NDP: variants seen among roughly 807,000 people sequenced by gnomAD.
The protein encoded by NDP is norrin cystine knot growth factor NDP.
Under a neutral mutation model 8.4 loss-of-function variants are expected in NDP, and 2 were observed. The observed-to-expected ratio is 0.24, with a 90% CI of 0.10 to 0.75. The LOEUF (loss-of-function observed/expected upper bound fraction) is 0.75, where lower values mean the gene tolerates loss of function less well. Ranked by LOEUF, NDP falls within the 30% of genes least tolerant of loss-of-function variation. The pLI is 0.73. For missense variants in NDP, 81 were observed against 110.1 expected, an observed-to-expected ratio of 0.74 and a Z score of 1.18; for synonymous variants, 55 against 45.6, an observed-to-expected ratio of 1.21 and a Z score of -0.83.
intron 1 of NDP, among the ~76,000 whole-genome samples, chrX:43,964,752 TC>T (rs1404461935): frequency 8.9e-6 from 1 of 111,919 alleles, no homozygotes; most frequent in Non-Finnish European, 1.9e-5. Flanking sequence ...CTTGAACAAG[TC>T]ACTTGCCTTT....
At chrX:43,967,699 C>T (rs2035866193) in intron 1 of NDP, among the ~76,000 whole-genome samples, 1 of 111,177 alleles carries the variant, frequency 9.0e-6, no homozygotes, top group South Asian at 3.8e-4. Context: ...ATTTTTATTC[C>T]CTACTGATGA....
At chrX:43,972,285 A>C (rs1307255082) in intron 1 of NDP, among the ~76,000 whole-genome samples, 1 of 111,161 alleles carries the variant, frequency 9.0e-6, no homozygotes. Flanking sequence ...ATGGAGGCTT[A>C]TCTGGGTTTG....
rs757511870 is a variant in NDP, at chrX:43,964,817, T to C, written c.-207-5965A>G. ...ATGAACAGATTGGTCTAAATGCTTT[T>C]ATGTGTCTATCCATTTCTAACAGTC... On this transcript the variant is annotated intron_variant, in intron 1 of 2. Coordinates refer to ENST00000642620, the MANE Select transcript of NDP (RefSeq NM_000266.4). Among the ~76,000 whole-genome samples, 8 of 112,079 alleles carry C rather than the reference T, an allele frequency of 7.1e-5. No individual in the cohort carries two copies. The South Asian group carries it at 2.3e-3, about 32-fold the overall frequency.
intron 2 of NDP, among the ~76,000 whole-genome samples, chrX:43,955,439 C>G (rs180747219): frequency 8.9e-6 from 1 of 111,985 alleles, no homozygotes; most frequent in Admixed American, 9.4e-5. Flanking sequence ...GTCACTCATT[C>G]GGCAAGCCAT....
chrX:43,950,188 C>T (rs2035752994), intron 2 of NDP, 162 bp from the exon 3 acceptor site: 1 of 478,526 alleles, frequency 2.1e-6, no homozygotes, highest in Non-Finnish European at 3.7e-6. Flanking sequence ...ACCCAGGCCT[C>T]ATTCAGATCG....
rs1033615559 is a variant in NDP at position 43,955,993 on chromosome X, GA to G, written c.174+2478del. Among the ~76,000 whole-genome samples, 10 of 112,263 alleles carry G rather than the reference GA, an allele frequency of 8.9e-5. No homozygotes were observed. The Admixed American group carries it at 9.5e-4, about 11-fold the overall frequency. On this transcript the variant is annotated intron_variant, in intron 2 of 2. Transcript: ENST00000642620. Reference sequence around the variant, plus strand: ...CATTCTACTTGTGTTCCTCCAATATGAAGATCCAAGTAGTGGGAAGATGAAT... The same window carrying G: ...CATTCTACTTGTGTTCCTCCAATATGAGATCCAAGTAGTGGGAAGATGAAT...
At chrX:43,955,774 G>A (rs751943700) in intron 2 of NDP, among the ~76,000 whole-genome samples, 4 of 112,183 alleles carry the variant, frequency 3.6e-5, no homozygotes, top group Non-Finnish European at 5.6e-5. Flanking sequence ...AGTCCTTTCC[G>A]GAATTGCTAG....
At chrX:43,960,791 C>G (rs1311584563) in intron 1 of NDP, 2 of 112,212 alleles carry the variant, frequency 1.8e-5, no homozygotes, top group Non-Finnish European at 3.8e-5. Flanking sequence ...ACAGATATTT[C>G]CCCCAGGAGT....
chrX:43,963,356 AC>A (rs2035837856), intron 1 of NDP, among the ~76,000 whole-genome samples: 2 of 111,097 alleles, frequency 1.8e-5, no homozygotes, highest in Middle Eastern at 4.7e-3. Flanking sequence ...GTTTTTAGAC[AC>A]ATTGATAAAC....
chrX:43,962,269 AT>A (rs776438846), intron 1 of NDP, among the ~76,000 whole-genome samples: 959 of 95,467 alleles, frequency 0.01, 8 homozygotes, highest in African/African-American at 0.023. Flanking sequence ...ATAACCTGGG[AT>A]TTTTTTTTTT....
At chrX:43,963,616 A>G (rs547452069) in intron 1 of NDP, among the ~76,000 whole-genome samples, 3 of 112,316 alleles carry the variant, frequency 2.7e-5, no homozygotes, top group Admixed American at 1.9e-4. Flanking sequence ...CTTGCTAGAT[A>G]ACCCTAGATA....
chrX:43,967,036 G>T (rs1386499871), intron 1 of NDP, among the ~76,000 whole-genome samples: 1 of 111,441 alleles, frequency 9.0e-6, no homozygotes, highest in African/African-American at 3.3e-5. Flanking sequence ...TGTCAAAGGG[G>T]CAAGGTTCTC....
chrX:43,955,512 G>A (rs1031720046), intron 2 of NDP, among the ~76,000 whole-genome samples: 21 of 112,684 alleles, frequency 1.9e-4, no homozygotes, highest in Non-Finnish European at 2.1e-4. Context: ...AGTTCTCATA[G>A]AGATTCCACC....
chrX:43,963,833 C>A (rs923400831), intron 1 of NDP, among the ~76,000 whole-genome samples: 1 of 112,448 alleles, frequency 8.9e-6, no homozygotes, highest in Non-Finnish European at 1.9e-5. Context: ...TATAAAGCAT[C>A]CTGTGCGTTC....
intron 2 of NDP, 184 bp from the exon 3 acceptor site, chrX:43,950,210 A>G (rs979861214): frequency 5.9e-5 from 27 of 457,439 alleles, no homozygotes; most frequent in Middle Eastern, 5.8e-4. Flanking sequence ...TTGAATTAAA[A>G]TCCTTGGAGA....
At chrX:43,972,288 T>G (rs1261801321) in intron 1 of NDP, among the ~76,000 whole-genome samples, 1 of 111,380 alleles carries the variant, frequency 9.0e-6, no homozygotes, top group Non-Finnish European at 1.9e-5. Context: ...GAGGCTTATC[T>G]GGGTTTGTCT....
Position 43,949,756 on chromosome X carries a change from C to A in NDP, c.*43G>T. On this transcript the variant is annotated 3_prime_UTR_variant, in exon 3 of 3. Transcript: ENST00000642620. ...GTCTTTCCCTGGCTGGTCGAACTGC[C>A]TCTACAGTTGTCCCATCCAGAAGCC... is the stretch of plus-strand genomic sequence containing the variant. 1 of 1,127,956 alleles carries A rather than the reference C, an allele frequency of 8.9e-7. No individual in the cohort carries two copies. Among genetic ancestry groups the A allele is most frequent in the Non-Finnish European group, 1.2e-6 (1 of 836,597 alleles). 93.0% of individuals were successfully genotyped at this position (1,127,956 alleles called of 1,213,427 possible). A position where few individuals can be genotyped will look rare whatever the true frequency, so the allele number is the denominator to read the frequency against.
Position 43,950,005 on chromosome X carries a change from C to T in NDP, c.196G>A (p.Glu66Lys), listed in dbSNP as rs2147204856. 1 of 1,203,778 alleles carries T rather than the reference C, an allele frequency of 8.3e-7. No homozygotes were observed. ...CGTGACGCCTGGCTGCAGTGCCCCT[C>T]GCACCTGGCCAGGAGCACCATCTGG... is the stretch of plus-strand genomic sequence containing the variant. Reference protein sequence around the residue: ...SSKMVLLARCEGHCSQASRSE... With the variant: ...SSKMVLLARCKGHCSQASRSE... The change falls in exon 3 of 3, where the codon GAG becomes AAG. Residue 66 changes from glutamate to lysine, a missense_variant. Physicochemically the swap from Glu to Lys is moderately conservative, Grantham distance 56 (BLOSUM62 1). Coordinates refer to ENST00000642620, the MANE Select transcript of NDP (RefSeq NM_000266.4).
chrX:43,973,211 AG>A (rs1272478397), intron 1 of NDP, 92 bp downstream of exon 1: 1 of 112,274 alleles, frequency 8.9e-6, no homozygotes, highest in Non-Finnish European at 1.9e-5. Context: ...TGGTATTTAA[AG>A]GTTGTCTCTT....
Sources: allele counts gnomAD v4.1 joint callset (sites outside exome capture counted in the v4.1 genomes callset), GRCh38; gene constraint gnomAD v4.1.1; transcripts MANE v1.5; gene names NCBI Gene and HGNC (gene_info 2026-07-23, HGNC 2026-07-21).